Variants in NEK11 observed in about 807,000 individuals in gnomAD.
The protein encoded by NEK11 is NIMA related kinase 11, also known as serine/threonine-protein kinase Nek11.
NEK11 carries 72 observed loss-of-function variants against 80.7 expected under a neutral mutation model. That is an observed-to-expected ratio of 0.89 (90% confidence interval 0.74 to 1.08). The LOEUF is 1.08. Among genes scored for constraint, NEK11 ranks in the 50% least tolerant of loss-of-function variants. The probability of loss-of-function intolerance (pLI) is 0.00; values close to 1 mark genes in which losing one functional copy is unlikely to be tolerated. For synonymous variants in NEK11, 251 were observed against 260.7 expected (o/e 0.96, Z 0.36); for missense variants, 764 against 763.6 (o/e 1.00, Z -0.01).
At chr3:131,238,943 C>T (rs1243655948) in intron 15 of NEK11, among the ~76,000 whole-genome samples, 1 of 151,866 alleles carries the variant, frequency 6.6e-6, no homozygotes, top group Non-Finnish European at 1.5e-5. Flanking sequence ...TTAATAATTA[C>T]ATCAAAAAAA....
chr3:131,060,993 C>T (rs995725740), intron 3 of NEK11, among the ~76,000 whole-genome samples: 2 of 152,128 alleles, frequency 1.3e-5, no homozygotes, highest in African/African-American at 4.8e-5. Context: ...CCCAGTCCCC[C>T]ATCCAGAACT....
chr3:131,222,359 ATGGTATCAAATTTTTG>A (rs2095052429), intron 14 of NEK11, among the ~76,000 whole-genome samples: 1 of 152,146 alleles, frequency 6.6e-6, no homozygotes, highest in Non-Finnish European at 1.5e-5. Flanking sequence ...GTGCTATTAA[ATGGTATCAAATTTTTG>A]TGGTATCAAA....
intron 15 of NEK11, among the ~76,000 whole-genome samples, chr3:131,230,653 G>A (rs1242195887): frequency 2.6e-5 from 4 of 151,956 alleles, no homozygotes; most frequent in Non-Finnish European, 4.4e-5. Context: ...TAGTCTTAAG[G>A]CAGATGATAA....
intron 14 of NEK11, among the ~76,000 whole-genome samples, chr3:131,199,439 G>T (rs983893602): frequency 6.6e-6 from 1 of 152,120 alleles, no homozygotes; most frequent in East Asian, 1.9e-4. Flanking sequence ...TAACAAAAGT[G>T]TGGGGGAAAA....
intron 14 of NEK11, among the ~76,000 whole-genome samples, chr3:131,181,365 A>G (rs938420331): frequency 1.3e-5 from 2 of 152,200 alleles, no homozygotes; most frequent in Admixed American, 6.5e-5. Flanking sequence ...TCCTCCTTGG[A>G]TCCCCCAGAA....
chr3:131,329,224 T>G (rs1479187430), intron 17 of NEK11: 1 of 152,220 alleles, frequency 6.6e-6, no homozygotes, highest in Admixed American at 6.5e-5. Flanking sequence ...GTTTGGAGTT[T>G]TATCTTGAAA....
intron 5 of NEK11, among the ~76,000 whole-genome samples, chr3:131,120,933 T>G (rs566325794): frequency 6.6e-6 from 1 of 152,326 alleles, no homozygotes; most frequent in East Asian, 1.9e-4. Context: ...ACATCCTCCT[T>G]TAGCTCGGGG....
At chr3:131,152,770 A>G (rs1286089126) in intron 9 of NEK11, 61 bp downstream of exon 9, 4 of 1,162,274 alleles carry the variant, frequency 3.4e-6, no homozygotes, top group Non-Finnish European at 5.1e-6. Context: ...ACATTCCATG[A>G]CTTGAAGATA....
At chr3:131,331,905 C>G (rs2097093436) in intron 17 of NEK11, among the ~76,000 whole-genome samples, 1 of 152,198 alleles carries the variant, frequency 6.6e-6, no homozygotes, top group Non-Finnish European at 1.5e-5. Flanking sequence ...GGCAGCGAGG[C>G]TGGGGGAGGG....
rs869304359 is a variant in NEK11, at chr3:131,272,463, CTTTTTTTTTTTTTTTTTT to C, written c.1622-1002_1622-985del. On this transcript the variant is annotated intron_variant, in intron 16 of 17. Transcript: ENST00000383366. ...CTTGCTAATGGGCCAGTTTTAGCTTCTTTTTTTTTTTTTTTTTTTTTTTTTTTTTTGAGACAGAGCCTT... is the reference window on the plus strand; with the variant it reads ...CTTGCTAATGGGCCAGTTTTAGCTTCTTTTTTTTTTTTGAGACAGAGCCTT... Among the ~76,000 whole-genome samples the C allele has an allele frequency of 3.4e-3, 148 of 43,906 alleles. 2 individuals are homozygous for C. Among genetic ancestry groups the C allele is most frequent in the African/African-American group, 0.012 (136 of 11,048 alleles). The allele number at this position is 43,906 out of a possible 152,430, so 28.8% of individuals were successfully genotyped here. A position where few individuals can be genotyped will look rare whatever the true frequency, so the allele number is the denominator to read the frequency against.
chr3:131,087,342 C>T (rs935193617), intron 4 of NEK11, among the ~76,000 whole-genome samples: 1 of 143,982 alleles, frequency 6.9e-6, no homozygotes, highest in African/African-American at 2.5e-5. Flanking sequence ...CTCCCAGGTT[C>T]AAGCAATTCT....
At chr3:131,050,608 A>G (rs1180934366) in intron 3 of NEK11, among the ~76,000 whole-genome samples, 2 of 152,204 alleles carry the variant, frequency 1.3e-5, no homozygotes, top group Non-Finnish European at 2.9e-5. Flanking sequence ...TTTTATTGAC[A>G]CTAATCATAT....
intron 3 of NEK11, among the ~76,000 whole-genome samples, chr3:131,045,601 G>T (rs1245617759): frequency 6.6e-6 from 1 of 152,076 alleles, no homozygotes; most frequent in African/African-American, 2.4e-5. Context: ...AATGTTACAC[G>T]TGCTGATGCA....
intron 14 of NEK11, among the ~76,000 whole-genome samples, chr3:131,203,090 A>G (rs1458381853): frequency 6.6e-6 from 1 of 152,238 alleles, no homozygotes; most frequent in Non-Finnish European, 1.5e-5. Context: ...TATATACCCA[A>G]AGGATTATAC....
At chr3:131,308,863 G>T (rs1392635495) in intron 17 of NEK11, among the ~76,000 whole-genome samples, 2 of 152,160 alleles carry the variant, frequency 1.3e-5, no homozygotes, top group East Asian at 3.9e-4. Flanking sequence ...TAGGGTGGGG[G>T]ATGGTTTCAG....
intron 3 of NEK11, among the ~76,000 whole-genome samples, chr3:131,060,832 A>C (rs1047854480): frequency 3.9e-5 from 6 of 152,130 alleles, no homozygotes; most frequent in African/African-American, 1.4e-4. Flanking sequence ...TTTTGATTCT[A>C]GCTTTCCTAG....
intron 15 of NEK11, among the ~76,000 whole-genome samples, chr3:131,234,200 TAAAAC>T (rs1561118379): frequency 2.0e-5 from 3 of 152,240 alleles, no homozygotes; most frequent in African/African-American, 7.2e-5. Context: ...TTATGAAAAG[TAAAAC>T]AAAAAAGACC....
chr3:131,290,035 G>A (rs1444536639), intron 17 of NEK11, among the ~76,000 whole-genome samples: 2 of 152,246 alleles, frequency 1.3e-5, no homozygotes, highest in African/African-American at 2.4e-5. Flanking sequence ...AGACAACTGA[G>A]TGAGTTTTCC....
At chr3:131,091,508 T>A (rs1400502648) in intron 4 of NEK11, among the ~76,000 whole-genome samples, 1 of 152,202 alleles carries the variant, frequency 6.6e-6, no homozygotes, top group Non-Finnish European at 1.5e-5. Context: ...AGACCAACAA[T>A]AAATGTCACT....
Sources: allele counts gnomAD v4.1 joint callset (sites outside exome capture counted in the v4.1 genomes callset), GRCh38; gene constraint gnomAD v4.1.1; transcripts MANE v1.5; gene names NCBI Gene and HGNC (gene_info 2026-07-23, HGNC 2026-07-21).